PDCD2L: variants seen among roughly 807,000 people sequenced by gnomAD.
PDCD2L encodes the protein programmed cell death 2 like.
PDCD2L carries 44 observed loss-of-function variants against 40.4 expected under a neutral mutation model. That is an observed-to-expected ratio of 1.09 (90% confidence interval 0.86 to 1.40). PDCD2L has a LOEUF of 1.40. PDCD2L is among the 40% of genes most tolerant of loss of function. The pLI, the probability that PDCD2L is intolerant of heterozygous loss-of-function variation, is 0.00. For missense variants in PDCD2L, 470 were observed against 453.7 expected (o/e 1.04, Z -0.33); for synonymous variants, 194 against 174.6 (o/e 1.11, Z -0.88).
At chr19:34,412,167 A>G (rs975625273) in intron 4 of PDCD2L, among the ~76,000 whole-genome samples, 2 of 151,122 alleles carry the variant, frequency 1.3e-5, no homozygotes, top group Non-Finnish European at 2.9e-5. Flanking sequence ...TTACAAGTGC[A>G]TACCACCATG....
chr19:34,415,313 C>T (rs1184602031), intron 5 of PDCD2L, among the ~76,000 whole-genome samples: 2 of 151,950 alleles, frequency 1.3e-5, no homozygotes, highest in Non-Finnish European at 2.9e-5. Context: ...GGAGTTTTAC[C>T]ATGTTGGTCA....
rs576378768 is a variant in PDCD2L at position 34,414,865 on chromosome 19, G to A, written c.797+1018G>A. The stretch of plus-strand genomic sequence containing the variant: ...CTGTTGTCCACCCTGGAGTGCAGTG[G>A]CGTGATCATTGCTCACTGTAACAAC... On this transcript the variant is annotated intron_variant, in intron 5 of 6. Coordinates refer to ENST00000246535, the MANE Select transcript of PDCD2L (RefSeq NM_032346.2). Among the ~76,000 whole-genome samples, 29 of 151,204 alleles carry A rather than the reference G, an allele frequency of 1.9e-4. 1 individual carries two copies. In the South Asian group the frequency reaches 5.0e-3, roughly 26 times the overall value.
intron 4 of PDCD2L, among the ~76,000 whole-genome samples, chr19:34,410,328 T>C (rs1025295465): frequency 6.6e-6 from 1 of 152,200 alleles, no homozygotes; most frequent in Non-Finnish European, 1.5e-5. Context: ...CTCGGCTCAC[T>C]GCAACCTCCA....
intron 5 of PDCD2L, among the ~76,000 whole-genome samples, chr19:34,418,156 G>A (rs2075134030): frequency 6.6e-6 from 1 of 152,194 alleles, no homozygotes; most frequent in South Asian, 2.1e-4. Context: ...ACAACAGACT[G>A]CGTATATTTT....
rs541716922 is a variant in PDCD2L at position 34,407,913 on chromosome 19, AGTTTGTTTGTTT to A, written c.337-1235_337-1224del. Among the ~76,000 whole-genome samples, 69 of 152,084 alleles carry A rather than the reference AGTTTGTTTGTTT, an allele frequency of 4.5e-4. No individual in the cohort carries two copies. The South Asian group carries it at 0.014, about 31-fold the overall frequency. On this transcript the variant is annotated intron_variant, in intron 3 of 6. Coordinates refer to ENST00000246535, the MANE Select transcript of PDCD2L (RefSeq NM_032346.2). ...TAAATGTGTCTTTATATATACACTG[AGTTTGTTTGTTT>A]GTTTGTTTGTTTTTTGAGATGGGGT...
chr19:34,419,430 C>G (rs189733500), intron 5 of PDCD2L, among the ~76,000 whole-genome samples: 1 of 152,094 alleles, frequency 6.6e-6, no homozygotes, highest in South Asian at 2.1e-4. Flanking sequence ...GCTGGGATTA[C>G]AGGCATGAGC....
chr19:34,404,621 G>C, intron 1 of PDCD2L, 28 bp from the exon 2 acceptor site: 1 of 1,604,098 alleles, frequency 6.2e-7, no homozygotes, highest in South Asian at 1.1e-5. Flanking sequence ...GGGGAGTCGG[G>C]GTCTGAGCGC....
At chr19:34,425,098 C>A (rs1343631154) in intron 6 of PDCD2L, among the ~76,000 whole-genome samples, 1 of 152,096 alleles carries the variant, frequency 6.6e-6, no homozygotes, top group Non-Finnish European at 1.5e-5. Context: ...TGCTGCAAAT[C>A]ATTGCCTACG....
intron 1 of PDCD2L, 21 bp downstream of exon 1, chr19:34,404,559 T>C (rs1264461730): frequency 1.3e-6 from 2 of 1,560,352 alleles, no homozygotes; most frequent in Non-Finnish European, 1.7e-6. Context: ...GTGCCGGAGC[T>C]GGGGTCGATG....
At chr19:34,412,106 A>G (rs2075106878) in intron 4 of PDCD2L, among the ~76,000 whole-genome samples, 2 of 151,028 alleles carry the variant, frequency 1.3e-5, no homozygotes, top group Admixed American at 1.3e-4. Flanking sequence ...TGCAACCTCC[A>G]CCTCCCAGGT....
intron 4 of PDCD2L, among the ~76,000 whole-genome samples, chr19:34,410,150 G>A (rs1464559767): frequency 1.3e-5 from 2 of 152,196 alleles, no homozygotes; most frequent in Admixed American, 6.6e-5. Context: ...ACCCACGCTG[G>A]AGTGAATTGG....
At chr19:34,408,928 C>A (rs1380180140) in intron 3 of PDCD2L, among the ~76,000 whole-genome samples, 2 of 152,088 alleles carry the variant, frequency 1.3e-5, no homozygotes, top group East Asian at 3.9e-4. Flanking sequence ...GTTGAATAAC[C>A]CCTGTACTAT....
chr19:34,410,320 C>T (rs780682988), intron 4 of PDCD2L, among the ~76,000 whole-genome samples: 7 of 152,194 alleles, frequency 4.6e-5, no homozygotes, highest in African/African-American at 1.2e-4. Flanking sequence ...GGCACGATCT[C>T]GGCTCACTGC....
intron 5 of PDCD2L, among the ~76,000 whole-genome samples, chr19:34,415,445 C>T (rs1370554708): frequency 1.3e-5 from 2 of 152,038 alleles, no homozygotes; most frequent in South Asian, 2.1e-4. Flanking sequence ...GTATGATTCC[C>T]ATAAGTGATA....
At chr19:34,410,292 C>G (rs527971451) in intron 4 of PDCD2L, among the ~76,000 whole-genome samples, 3 of 152,178 alleles carry the variant, frequency 2.0e-5, no homozygotes, top group Non-Finnish European at 4.4e-5. Context: ...GCTGTTGTTA[C>G]CCAGGCTGGA....
chr19:34,415,968 T>A (rs949892337), intron 5 of PDCD2L, among the ~76,000 whole-genome samples: 1 of 152,230 alleles, frequency 6.6e-6, no homozygotes, highest in Non-Finnish European at 1.5e-5. Context: ...TCCCCCAGGC[T>A]GGAGAGCAAT....
intron 3 of PDCD2L, 91 bp downstream of exon 3, chr19:34,405,081 T>C (rs552684034): frequency 2.2e-6 from 3 of 1,373,630 alleles, no homozygotes; most frequent in Non-Finnish European, 3.0e-6. Context: ...AGCCGTGTTC[T>C]TTGAAGTACA....
chr19:34,417,421 A>G (rs982904663), intron 5 of PDCD2L, among the ~76,000 whole-genome samples: 1 of 152,014 alleles, frequency 6.6e-6, no homozygotes, highest in Non-Finnish European at 1.5e-5. Flanking sequence ...CAGCCTGGCC[A>G]ATATGGTGAA....
rs1022655288 is a variant in PDCD2L, at chr19:34,407,227, C to T, written c.337-1934C>T. ...CACAATCTTGGCTCACTGCAGCCTC[C>T]GCCTCCCAGGTTCGAGCAATTCTCC... On this transcript the variant is annotated intron_variant, in intron 3 of 6. Coordinates refer to ENST00000246535, the MANE Select transcript of PDCD2L (RefSeq NM_032346.2). Among the ~76,000 whole-genome samples, 5 of 151,712 alleles carry T rather than the reference C, an allele frequency of 3.3e-5. No individual in the cohort carries two copies. In the South Asian group the frequency reaches 6.2e-4, roughly 19 times the overall value.
Sources: gnomAD v4.1 joint callset for allele counts (sites outside exome capture counted in the v4.1 genomes callset) on GRCh38, gnomAD v4.1.1 for gene constraint, MANE v1.5 for transcripts, NCBI Gene and HGNC (gene_info 2026-07-23, HGNC 2026-07-21) for gene names.